ESCO2: variants seen among roughly 807,000 people sequenced by gnomAD.
The protein encoded by ESCO2 is N-acetyltransferase ESCO2.
ESCO2 carries 51 observed loss-of-function variants against 61.7 expected under a neutral mutation model. The ratio of observed to expected loss-of-function variants is 0.83; its 90% CI spans 0.66 to 1.04. The LOEUF (loss-of-function observed/expected upper bound fraction) is 1.04, where lower values mean the gene tolerates loss of function less well. ESCO2 is among the 50% of genes least tolerant of loss of function. The pLI is 0.00. For synonymous variants in ESCO2, 230 were observed against 238.2 expected, an observed-to-expected ratio of 0.97 and a Z score of 0.32; for missense variants, 692 against 686.2, an observed-to-expected ratio of 1.01 and a Z score of -0.09.
chr8:27,793,664 T>A (rs1359514289), intron 9 of ESCO2, among the ~76,000 whole-genome samples: 1 of 151,994 alleles, frequency 6.6e-6, no homozygotes, highest in Non-Finnish European at 1.5e-5. Context: ...TTTTTGTATT[T>A]TTAGTAGAGA....
intron 5 of ESCO2, among the ~76,000 whole-genome samples, chr8:27,786,841 TCTTA>T (rs1347956655): frequency 6.7e-6 from 1 of 149,884 alleles, no homozygotes; most frequent in African/African-American, 2.4e-5. Context: ...TGTTTGAACT[TCTTA>T]CTTTTGGTAC....
chr8:27,799,238 G>T (rs1805369892), intron 9 of ESCO2, among the ~76,000 whole-genome samples: 1 of 152,110 alleles, frequency 6.6e-6, no homozygotes, highest in Non-Finnish European at 1.5e-5. Flanking sequence ...TACATTTTAG[G>T]ATGGAGAGAA....
At chr8:27,788,061 C>A (rs1170670957) in intron 6 of ESCO2, 59 bp downstream of exon 6, 6 of 1,208,254 alleles carry the variant, frequency 5.0e-6, no homozygotes, top group Admixed American at 3.4e-5. Context: ...AGCTTGCCAA[C>A]CCCTGTATTA....
chr8:27,776,868 A>G lies in ESCO2; in HGVS notation c.560A>G (p.Asn187Ser). 1.2e-6 allele frequency: 2 copies of G among 1,614,200 alleles called. No individual in the cohort carries two copies. The highest frequency in any genetic ancestry group is 1.7e-6 in the Non-Finnish European group (2 of 1,180,042). ...GAAAATAATTGTCATTCAGCTGAAA[A>G]TAATTCCAATGCTCCTCGGGTTCTG... ...EKENNCHSAE[N>S]NSNAPRVLSQ... The change falls in exon 3 of 11, where the codon AAT becomes AGT. Residue 187 changes from asparagine (N) to serine (S), a missense_variant. By Grantham distance (46) the Asn-to-Ser change is conservative. Coordinates refer to ENST00000305188, the MANE Select transcript of ESCO2 (RefSeq NM_001017420.3).
intron 5 of ESCO2, among the ~76,000 whole-genome samples, chr8:27,784,309 T>C (rs1363157972): frequency 6.6e-6 from 1 of 152,204 alleles, no homozygotes; most frequent in African/African-American, 2.4e-5. Flanking sequence ...TATTATATAA[T>C]ACCTTACCCA....
At chr8:27,793,556 G>A (rs1293785665) in intron 9 of ESCO2, among the ~76,000 whole-genome samples, 1 of 145,616 alleles carries the variant, frequency 6.9e-6, no homozygotes, top group East Asian at 2.0e-4. Flanking sequence ...GCACGATCTC[G>A]CCTCACCACA....
In ESCO2 at chr8:27,804,452, A is replaced by G. The variant is rs1189914728; in HGVS notation, c.*1014A>G. On this transcript the variant is annotated 3_prime_UTR_variant, in exon 11 of 11. Transcript: ENST00000305188. ...CAAAAGTCTTTACAAAATGTATGGTAATAGAACCAAGGTTAGTAAATATAC... is the reference window on the plus strand; with the variant it reads ...CAAAAGTCTTTACAAAATGTATGGTGATAGAACCAAGGTTAGTAAATATAC... 1.0e-6 allele frequency: 1 copy of G among 985,360 alleles called. No homozygotes were observed. Among genetic ancestry groups the G allele is most frequent in the Non-Finnish European group, 1.2e-6 (1 of 829,946 alleles). 61.0% of individuals were successfully genotyped at this position (985,360 alleles called of 1,614,324 possible).
downstream of ESCO2, among the ~76,000 whole-genome samples, chr8:27,805,827 C>A (rs1453771081): frequency 6.6e-6 from 1 of 152,022 alleles, no homozygotes; most frequent in African/African-American, 2.4e-5. Flanking sequence ...TGGTGCCCAG[C>A]CAGTCCTTAA....
chr8:27,791,165 A>G (rs1234983990), intron 7 of ESCO2, among the ~76,000 whole-genome samples: 1 of 152,276 alleles, frequency 6.6e-6, no homozygotes, highest in Non-Finnish European at 1.5e-5. Flanking sequence ...ATACTGTAGT[A>G]TAAACCTAGT....
In ESCO2 at chr8:27,802,633, ATATATATATATATATATATATAT is replaced by A. The variant is rs1253908615; in HGVS notation, c.1674-654_1674-632del. On this transcript the variant is annotated intron_variant, in intron 10 of 10. Transcript: ENST00000305188. ...AAAAAAAAAAAAAAAAAAAAAAAAT[ATATATATATATATATATATATAT>A]TATATATATATATATATAGTTACTG... is the stretch of plus-strand genomic sequence containing the variant. 9.0e-3 allele frequency among the ~76,000 whole-genome samples: 484 copies of A among 53,754 alleles called. 10 individuals carry two copies. Among genetic ancestry groups the A allele is most frequent in the Middle Eastern group, 0.026 (2 of 78 alleles). The allele number at this position is 53,754 out of a possible 152,430, so 35.3% of individuals were successfully genotyped here. A position where few individuals can be genotyped will look rare whatever the true frequency, so the allele number is the denominator to read the frequency against.
chr8:27,801,520 T>C (rs1332337820), intron 10 of ESCO2, among the ~76,000 whole-genome samples: 1 of 152,178 alleles, frequency 6.6e-6, no homozygotes, highest in Admixed American at 6.5e-5. Context: ...ATGAAATACT[T>C]TTCTATGTTT....
downstream of ESCO2, chr8:27,810,101 C>T (rs889775330): frequency 1.9e-6 from 1 of 522,540 alleles, no homozygotes; most frequent in Non-Finnish European, 3.3e-6. Context: ...GTTTCTAAAA[C>T]TTTACAGAAA....
downstream of ESCO2, among the ~76,000 whole-genome samples, chr8:27,815,122 A>G (rs938996310): frequency 6.6e-6 from 1 of 152,224 alleles, no homozygotes; most frequent in African/African-American, 2.4e-5. Flanking sequence ...GAACTGAAGG[A>G]AAGTTCTGCC....
At chr8:27,777,693 T>G (rs996325362) in intron 3 of ESCO2, 2 of 152,404 alleles carry the variant, frequency 1.3e-5, no homozygotes, top group Non-Finnish European at 2.9e-5. Flanking sequence ...ACCTCCTGTT[T>G]ATATCCTTCA....
upstream of ESCO2, chr8:27,774,369 G>A (rs996840659): frequency 6.6e-6 from 1 of 152,156 alleles, no homozygotes; most frequent in East Asian, 1.9e-4. Context: ...GATTGTGGGT[G>A]GCGTGGTTTC....
At chr8:27,780,406 G>T in intron 4 of ESCO2, 139 bp downstream of exon 4, 4 of 643,690 alleles carry the variant, frequency 6.2e-6, no homozygotes, top group Non-Finnish European at 1.1e-5. Context: ...TTATCTCTGT[G>T]ACACTGTTTT....
intron 5 of ESCO2, among the ~76,000 whole-genome samples, chr8:27,784,458 A>G (rs1271071256): frequency 6.6e-6 from 1 of 152,218 alleles, no homozygotes; most frequent in Non-Finnish European, 1.5e-5. Context: ...GACCAGGACT[A>G]GAATCCATAT....
At chr8:27,816,599 A>G (rs1453973468), downstream of ESCO2, among the ~76,000 whole-genome samples, 2 of 151,632 alleles carry the variant, frequency 1.3e-5, no homozygotes, top group African/African-American at 4.9e-5. Context: ...GATGGTCTCA[A>G]TCTCCTGACC....
intron 9 of ESCO2, among the ~76,000 whole-genome samples, chr8:27,798,483 T>G (rs990633914): frequency 2.0e-5 from 3 of 150,420 alleles, no homozygotes; most frequent in Non-Finnish European, 3.0e-5. Flanking sequence ...AAACTAAACA[T>G]GTATTTACTA....
Sources: allele counts gnomAD v4.1 joint callset (sites outside exome capture counted in the v4.1 genomes callset), GRCh38; gene constraint gnomAD v4.1.1; transcripts MANE v1.5; gene names NCBI Gene and HGNC (gene_info 2026-07-23, HGNC 2026-07-21).